The following GCNT1 variants were observed in gnomAD, a reference collection of about 807,000 sequenced individuals.
GCNT1 encodes beta-1,3-galactosyl-O-glycosyl-glycoprotein beta-1,6-N-acetylglucosaminyltransferase.
Under a neutral mutation model 26.2 loss-of-function variants are expected in GCNT1, and 16 were observed. That is an observed-to-expected ratio of 0.61 (90% CI 0.41 to 0.93). The LOEUF (loss-of-function observed/expected upper bound fraction) is 0.93. Ranked by LOEUF, GCNT1 falls within the 40% of genes least tolerant of loss-of-function variation. The pLI is 0.00. For missense variants in GCNT1, 477 were observed against 526.7 expected, an observed-to-expected ratio of 0.91 and a Z score of 0.92; for synonymous variants, 183 against 190.8, an observed-to-expected ratio of 0.96 and a Z score of 0.34.
intron 1 of GCNT1, among the ~76,000 whole-genome samples, chr9:76,422,113 A>C (rs1823204192): frequency 6.6e-6 from 1 of 152,130 alleles, no homozygotes; most frequent in South Asian, 2.1e-4. Context: ...ATTTCATGAG[A>C]ACTCACTCAC....
chr9:76,480,893 T>A (rs1176692739), intron 2 of GCNT1, among the ~76,000 whole-genome samples: 4 of 152,040 alleles, frequency 2.6e-5, no homozygotes, highest in Non-Finnish European at 5.9e-5. Flanking sequence ...TCATTATGTA[T>A]TTTAACATTT....
chr9:76,504,470 C>A lies in GCNT1; in HGVS notation c.*802C>A. The A allele has an allele frequency of 3.4e-6, 1 of 293,586 alleles. No homozygotes were observed. The allele number at this position is 293,586 out of a possible 1,614,324, so 18.2% of individuals were successfully genotyped here. On this transcript the variant is annotated 3_prime_UTR_variant, in exon 4 of 4. Coordinates refer to ENST00000376730, the MANE Select transcript of GCNT1 (RefSeq NM_001490.5). ...TCCTTTCCTCAGTCTTCCCAGACTG[C>A]TATCAAGCTGTGTAAAAATTTACTT...
intron 1 of GCNT1, among the ~76,000 whole-genome samples, chr9:76,445,788 A>G (rs1823566680): frequency 6.6e-6 from 1 of 151,912 alleles, no homozygotes; most frequent in African/African-American, 2.4e-5. Context: ...CAGCCTGGAC[A>G]ACATGGTGAG....
At chr9:76,471,222 C>T (rs1006559422) in intron 2 of GCNT1, among the ~76,000 whole-genome samples, 2 of 152,186 alleles carry the variant, frequency 1.3e-5, no homozygotes, top group Non-Finnish European at 2.9e-5. Flanking sequence ...GACGGGGTTT[C>T]ACCACGTTGG....
chr9:76,482,811 A>AT (rs56267257), intron 2 of GCNT1, among the ~76,000 whole-genome samples: 60,963 of 115,854 alleles, frequency 0.53, 16,820 homozygotes, highest in East Asian at 0.57. Flanking sequence ...CACCGGGCTA[A>AT]TTTTTTTTTT....
At chr9:76,408,762 A>G in the GCNT1 span, among the ~76,000 whole-genome samples, 1 of 151,988 alleles carries the variant, frequency 6.6e-6, no homozygotes. Context: ...ATCTTGGCTC[A>G]CTGCAGCCTC....
chr9:76,467,567 C>G lies in GCNT1; in HGVS notation c.-290+7390C>G, dbSNP rs544812787. 1.1e-3 allele frequency among the ~76,000 whole-genome samples: 175 copies of G among 152,202 alleles called. 4 individuals are homozygous for G. The South Asian group carries it at 0.034, about 30-fold the overall frequency. On this transcript the variant is annotated intron_variant, in intron 2 of 3. Transcript: ENST00000376730. Reference sequence around the variant, plus strand: ...TCTGGTAGGGGGACTCGTTATTGGTCCTTTTTGAAAGCTCCCTGGTGGTTG... The same window carrying G: ...TCTGGTAGGGGGACTCGTTATTGGTGCTTTTTGAAAGCTCCCTGGTGGTTG...
Position 76,446,859 on chromosome 9 carries a change from A to G in GCNT1, c.-290+4544A>G, listed in dbSNP as rs140165091. ...ACATTAGATGTTAGAGGTACATACT[A>G]AAGAGGCAGTTTAGGCTGGGCACAG... On this transcript the variant is annotated intron_variant, in intron 1 of 2. Transcript: ENST00000442371. 3.5e-3 allele frequency among the ~76,000 whole-genome samples: 534 copies of G among 152,258 alleles called. 4 individuals are homozygous for G. Among genetic ancestry groups the G allele is most frequent in the African/African-American group, 0.012 (511 of 41,536 alleles).
chr9:76,503,342 T>C lies in GCNT1; in HGVS notation c.961T>C (p.Tyr321His). The change falls in exon 4 of 4, where the codon TAT becomes CAT. Residue 321 changes from tyrosine (Y) to histidine (H), a missense_variant. Physicochemically the swap from Tyr to His is moderately conservative, Grantham distance 83. Coordinates refer to ENST00000376730, the MANE Select transcript of GCNT1 (RefSeq NM_001490.5). ...ACAAGACACATACAGCCCTGATGAGTATCTCTGGGCCACCATCCAAAGGAT... is the reference window on the plus strand; with the variant it reads ...ACAAGACACATACAGCCCTGATGAGCATCTCTGGGCCACCATCCAAAGGAT... ...WAQDTYSPDE[Y>H]LWATIQRIPE... The C allele has an allele frequency of 4.3e-6, 7 of 1,613,834 alleles. No homozygotes were observed. The highest frequency in any genetic ancestry group is 5.9e-6 in the Non-Finnish European group (7 of 1,179,900).
the GCNT1 span, among the ~76,000 whole-genome samples, chr9:76,397,684 T>C: frequency 6.6e-6 from 1 of 152,126 alleles, no homozygotes; most frequent in Non-Finnish European, 1.5e-5. Flanking sequence ...CTTCAAGTGA[T>C]CCACCTTCCT....
the GCNT1 span, chr9:76,393,907 G>A: frequency 3.4e-6 from 2 of 589,772 alleles, no homozygotes; most frequent in Non-Finnish European, 5.8e-6. Flanking sequence ...CCAGAAGCAG[G>A]GACAAGCTCC....
chr9:76,445,580 A>G (rs1255645292), intron 1 of GCNT1, among the ~76,000 whole-genome samples: 2 of 150,594 alleles, frequency 1.3e-5, no homozygotes, highest in Non-Finnish European at 2.9e-5. Flanking sequence ...TTTGGTAGAG[A>G]TGGGGTTTCA....
At chr9:76,398,087 G>C in the GCNT1 span, among the ~76,000 whole-genome samples, 1 of 152,094 alleles carries the variant, frequency 6.6e-6, no homozygotes, top group Non-Finnish European at 1.5e-5. Flanking sequence ...CATCCTTTCA[G>C]CTGCCTGTAG....
upstream of GCNT1, among the ~76,000 whole-genome samples, chr9:76,441,213 T>C (rs1823479980): frequency 6.6e-6 from 1 of 151,900 alleles, no homozygotes. Context: ...TGGCGCGATC[T>C]CAGCTCACTG....
chr9:76,404,531 T>A, the GCNT1 span, among the ~76,000 whole-genome samples: 1 of 152,226 alleles, frequency 6.6e-6, no homozygotes, highest in Non-Finnish European at 1.5e-5. Context: ...CCACTAAAAC[T>A]GACCTGGTTG....
the GCNT1 span, among the ~76,000 whole-genome samples, chr9:76,405,719 G>A: frequency 1.3e-5 from 2 of 152,094 alleles, no homozygotes; most frequent in African/African-American, 2.4e-5. Context: ...ATGGCTTGAT[G>A]GCTCATTTAT....
the GCNT1 span, among the ~76,000 whole-genome samples, chr9:76,414,368 A>C: frequency 1.3e-5 from 2 of 152,216 alleles, no homozygotes; most frequent in Non-Finnish European, 2.9e-5. Context: ...TCCTATCGTT[A>C]CCAGAAAGCA....
chr9:76,435,794 A>G (rs1823398995), intron 1 of GCNT1, among the ~76,000 whole-genome samples: 1 of 152,184 alleles, frequency 6.6e-6, no homozygotes, highest in Admixed American at 6.5e-5. Flanking sequence ...GGGGAGGGAC[A>G]CAATTAGGTC....
chr9:76,500,720 T>G (rs1825040975), intron 2 of GCNT1, among the ~76,000 whole-genome samples, 196 bp from the exon 3 acceptor site: 1 of 152,196 alleles, frequency 6.6e-6, no homozygotes, highest in African/African-American at 2.4e-5. Context: ...TTTTCAAATC[T>G]TTAGCAATCC....
Sources: allele counts gnomAD v4.1 joint callset (sites outside exome capture counted in the v4.1 genomes callset), GRCh38; gene constraint gnomAD v4.1.1; transcripts MANE v1.5; gene names NCBI Gene and HGNC (gene_info 2026-07-23, HGNC 2026-07-21).